The following GTF2IRD1 variants were observed in gnomAD, a reference collection of about 807,000 sequenced individuals.
GTF2IRD1 encodes GTF2I repeat domain containing 1.
Under a neutral mutation model 113.2 loss-of-function variants are expected in GTF2IRD1, and 26 were observed. The observed-to-expected ratio is 0.23, with a 90% CI of 0.17 to 0.32. The LOEUF (loss-of-function observed/expected upper bound fraction) is 0.32. Ranked by LOEUF, GTF2IRD1 falls within the 10% of genes least tolerant of loss-of-function variation. The probability of loss-of-function intolerance (pLI) is 1.00; values close to 1 mark genes in which losing one functional copy is unlikely to be tolerated. For missense variants in GTF2IRD1, 864 were observed against 1,280.8 expected (o/e 0.67, Z 4.97); for synonymous variants, 484 against 529.1 (o/e 0.91, Z 1.17).
intron 1 of GTF2IRD1, among the ~76,000 whole-genome samples, chr7:74,457,794 G>A (rs1554327791): frequency 6.6e-6 from 1 of 152,080 alleles, no homozygotes; most frequent in African/African-American, 2.4e-5. Context: ...GGACACCCAT[G>A]GAAGAAGACC....
At chr7:74,455,650 A>C (rs1792918748) in intron 1 of GTF2IRD1, among the ~76,000 whole-genome samples, 1 of 152,196 alleles carries the variant, frequency 6.6e-6, no homozygotes, top group Admixed American at 6.5e-5. Context: ...GGAGGGTGTG[A>C]GATAGACTCT....
At chr7:74,501,352 G>A (rs1796019160) in intron 1 of GTF2IRD1, among the ~76,000 whole-genome samples, 1 of 152,190 alleles carries the variant, frequency 6.6e-6, no homozygotes, top group Non-Finnish European at 1.5e-5. Flanking sequence ...TCCTTGTGGT[G>A]GGGTCTTCAG....
At chr7:74,596,874 G>A (rs1171726497) in intron 25 of GTF2IRD1, among the ~76,000 whole-genome samples, 2 of 151,958 alleles carry the variant, frequency 1.3e-5, no homozygotes, top group African/African-American at 4.8e-5. Flanking sequence ...GTGCATTCAG[G>A]GTGGTATGGC....
chr7:74,562,555 CTTTTTTTTTTTTTTTT>C (rs1167468655), intron 22 of GTF2IRD1, among the ~76,000 whole-genome samples: 7 of 62,706 alleles, frequency 1.1e-4, no homozygotes, highest in South Asian at 1.4e-3. Context: ...CAATTGCCCT[CTTTTTTTTTTTTTTTT>C]TTTTTTTTTT....
intron 24 of GTF2IRD1, among the ~76,000 whole-genome samples, chr7:74,591,837 C>G (rs1554369796): frequency 6.6e-6 from 1 of 151,940 alleles, no homozygotes; most frequent in East Asian, 1.9e-4. Flanking sequence ...CCAGGCTGGT[C>G]TTGAACTCCT....
At chr7:74,509,094 C>T (rs984345892) in intron 2 of GTF2IRD1, among the ~76,000 whole-genome samples, 40 of 152,128 alleles carry the variant, frequency 2.6e-4, no homozygotes, top group African/African-American at 9.2e-4. Context: ...CGGTGGCTCA[C>T]GCAAGTAATC....
At position 74,598,716 on chromosome 7, in the gene GTF2IRD1, A is replaced by G. The variant is rs114071018; in HGVS notation, c.2630-2328A>G. Among the ~76,000 whole-genome samples, 425 of 152,222 alleles carry G rather than the reference A, an allele frequency of 2.8e-3. 2 individuals carry two copies. Among genetic ancestry groups the G allele is most frequent in the African/African-American group, 9.7e-3 (403 of 41,554 alleles). ...CCAGAGGGTGGATACTGTCACCCAC[A>G]TCCACCACTCCCTCCAATGTGGCCA... is the stretch of plus-strand genomic sequence containing the variant. On this transcript the variant is annotated intron_variant, in intron 25 of 26. Coordinates refer to ENST00000424337, the MANE Select transcript of GTF2IRD1 (RefSeq NM_005685.4).
intron 22 of GTF2IRD1, among the ~76,000 whole-genome samples, chr7:74,584,857 G>T (rs782085403): frequency 6.6e-6 from 1 of 151,988 alleles, no homozygotes; most frequent in Non-Finnish European, 1.5e-5. Context: ...GCTGGAGTAC[G>T]ATGGCGCGAT....
intron 1 of GTF2IRD1, among the ~76,000 whole-genome samples, chr7:74,480,471 C>T (rs1178025330): frequency 6.6e-6 from 1 of 152,218 alleles, no homozygotes; most frequent in African/African-American, 2.4e-5. Context: ...AGCCGTGGCC[C>T]TGCTGGAGAG....
intron 1 of GTF2IRD1, among the ~76,000 whole-genome samples, chr7:74,485,296 C>G (rs995228741): frequency 6.6e-6 from 1 of 152,198 alleles, no homozygotes; most frequent in Admixed American, 6.5e-5. Flanking sequence ...ATTCATCAGA[C>G]GAGTCTTGGA....
chr7:74,575,086 G>A lies in GTF2IRD1; in HGVS notation c.2321-14765G>A, dbSNP rs188186390. 1.1e-3 allele frequency among the ~76,000 whole-genome samples: 122 copies of A among 109,380 alleles called. 1 individual carries two copies. The South Asian group carries it at 0.015, about 13-fold the overall frequency. The allele number at this position is 109,380 out of a possible 152,430, so 71.8% of individuals were successfully genotyped here. A position where few individuals can be genotyped will look rare whatever the true frequency, so the allele number is the denominator to read the frequency against. Reference sequence around the variant, plus strand: ...GCTTGGGCAACAAGAGCGAAACTCCGTCTCAAAATACAAAAAAACAAAAAA... The same window carrying A: ...GCTTGGGCAACAAGAGCGAAACTCCATCTCAAAATACAAAAAAACAAAAAA... On this transcript the variant is annotated intron_variant, in intron 22 of 26. Coordinates refer to ENST00000424337, the MANE Select transcript of GTF2IRD1 (RefSeq NM_005685.4).
intron 22 of GTF2IRD1, among the ~76,000 whole-genome samples, chr7:74,567,405 G>C (rs1205667366): frequency 6.6e-6 from 1 of 152,126 alleles, no homozygotes; most frequent in Non-Finnish European, 1.5e-5. Context: ...TACTGAAGGG[G>C]GTGATTGGTT....
chr7:74,538,191 C>CAGCG lies in GTF2IRD1; in HGVS notation c.1447+18_1447+19insAGCG. On this transcript the variant is annotated intron_variant, in intron 12 of 26. Transcript: ENST00000424337. The stretch of plus-strand genomic sequence containing the variant: ...TGGGCCAGGTGAGAAGGAACAGGGC[C>CAGCG]CGCTGTGTGTGTGGTGGGCCGGGAG... 1 of 1,611,958 alleles carries CAGCG rather than the reference C, an allele frequency of 6.2e-7. No individual in the cohort carries two copies.
At chr7:74,497,470 G>A (rs1235572552) in intron 1 of GTF2IRD1, among the ~76,000 whole-genome samples, 2 of 152,106 alleles carry the variant, frequency 1.3e-5, no homozygotes, top group Non-Finnish European at 2.9e-5. Context: ...TGCCAGGCTG[G>A]TCTCAAACTC....
At chr7:74,523,088 A>G (rs1797383961) in intron 7 of GTF2IRD1, among the ~76,000 whole-genome samples, 2 of 152,324 alleles carry the variant, frequency 1.3e-5, no homozygotes, top group Admixed American at 1.3e-4. Flanking sequence ...ACATGGTGGT[A>G]GGCACCTGTA....
intron 25 of GTF2IRD1, among the ~76,000 whole-genome samples, chr7:74,596,814 G>C (rs782048706): frequency 6.6e-5 from 10 of 152,108 alleles, no homozygotes; most frequent in Non-Finnish European, 1.2e-4. Context: ...TCCCATCCAA[G>C]TACTAACCAG....
At chr7:74,567,698 G>T (rs1166873904) in intron 22 of GTF2IRD1, among the ~76,000 whole-genome samples, 2 of 152,142 alleles carry the variant, frequency 1.3e-5, no homozygotes, top group African/African-American at 2.4e-5. Context: ...CACACATCGG[G>T]GGGGTCAGGT....
chr7:74,593,926 G>A (rs587717337), intron 24 of GTF2IRD1, among the ~76,000 whole-genome samples: 6 of 148,118 alleles, frequency 4.1e-5, no homozygotes, highest in Admixed American at 6.8e-5. Flanking sequence ...TAGGCTGGGC[G>A]TGGTGGCTCG....
chr7:74,564,976 G>A (rs1254745627), intron 22 of GTF2IRD1, among the ~76,000 whole-genome samples: 1 of 152,046 alleles, frequency 6.6e-6, no homozygotes, highest in Non-Finnish European at 1.5e-5. Context: ...AGGGAGCTGT[G>A]GGCCAGGGGT....
Sources: allele counts gnomAD v4.1 joint callset (sites outside exome capture counted in the v4.1 genomes callset), GRCh38; gene constraint gnomAD v4.1.1; transcripts MANE v1.5; gene names NCBI Gene and HGNC (gene_info 2026-07-23, HGNC 2026-07-21).